The following EGFR variants were observed in gnomAD, a reference collection of about 807,000 sequenced individuals.
EGFR encodes the protein avian erythroblastic leukemia viral (v-erb-b) oncogene homolog.
A neutral mutation model predicts 143.0 loss-of-function variants in EGFR; 58 were observed. That is an observed-to-expected ratio of 0.41 (90% CI 0.33 to 0.50). The LOEUF (loss-of-function observed/expected upper bound fraction) is 0.50, where lower values mean the gene tolerates loss of function less well. Among genes scored for constraint, EGFR ranks in the 20% least tolerant of loss-of-function variants. The pLI, the probability that EGFR is intolerant of heterozygous loss-of-function variation, is 0.39. For synonymous variants in EGFR, 613 were observed against 594.4 expected (o/e 1.03, Z -0.45); for missense variants, 1,307 against 1,579.0 (o/e 0.83, Z 2.92).
At chr7:55,135,067 T>A (rs921318484) in intron 1 of EGFR, among the ~76,000 whole-genome samples, 1 of 152,144 alleles carries the variant, frequency 6.6e-6, no homozygotes, top group Non-Finnish European at 1.5e-5. Context: ...GAACTGGCCT[T>A]CCTGTGATCA....
In EGFR at chr7:55,201,233, T is replaced by C. The variant is rs2128971560; in HGVS notation, c.2992T>C (p.Tyr998His). 1.2e-6 allele frequency: 2 copies of C among 1,614,156 alleles called. No homozygotes were observed. The highest frequency in any genetic ancestry group is 1.7e-6 in the Non-Finnish European group (2 of 1,180,030). The change falls in exon 25 of 28, where the codon TAC (tyrosine) becomes CAC (histidine). Residue 998 changes from tyrosine to histidine, a missense_variant. Tyr to His is a moderately conservative substitution (Grantham distance 83). This residue lies in a region of EGFR where 313 missense variants were observed against 312.3 expected (regional missense o/e 1.00). Transcript: ENST00000275493. ...GCCAAGTCCTACAGACTCCAACTTC[T>C]ACCGTGCCCTGATGGATGAAGAAGA... is the stretch of plus-strand genomic sequence containing the variant. ...HLPSPTDSNF[Y>H]RALMDEEDMD...
At chr7:55,191,661 A>G (rs1357517883) in intron 20 of EGFR, 58 bp from the exon 21 acceptor site, 2 of 1,609,440 alleles carry the variant, frequency 1.2e-6, no homozygotes, top group Non-Finnish European at 1.7e-6. Flanking sequence ...CTGAATTCGG[A>G]TGCAGAGCTT....
chr7:55,203,965 A>G (rs1787986997), intron 27 of EGFR, among the ~76,000 whole-genome samples: 1 of 150,986 alleles, frequency 6.6e-6, no homozygotes, highest in Admixed American at 6.6e-5. Context: ...ATCTTTATAC[A>G]TATGTTATAT....
chr7:55,151,132 G>A (rs565943490), intron 4 of EGFR, among the ~76,000 whole-genome samples, 162 bp from the exon 5 acceptor site: 20 of 152,134 alleles, frequency 1.3e-4, no homozygotes, highest in Admixed American at 3.9e-4. Context: ...TTTTCTTATC[G>A]GGGTCTCAAG....
At chr7:55,159,378 A>AT (rs1381501893) in intron 11 of EGFR, among the ~76,000 whole-genome samples, 1 of 140,494 alleles carries the variant, frequency 7.1e-6, no homozygotes, top group Admixed American at 7.3e-5. Context: ...GGCTGAGGAC[A>AT]TCCCCCCTTC....
intron 1 of EGFR, among the ~76,000 whole-genome samples, chr7:55,032,773 C>G (rs1787328618): frequency 6.6e-6 from 1 of 151,984 alleles, no homozygotes; most frequent in African/African-American, 2.4e-5. Context: ...TTTTTTCTGG[C>G]CATAAGATAG....
At chr7:55,173,167 G>A (rs566024893) in intron 17 of EGFR, 43 bp downstream of exon 17, 78 of 1,601,642 alleles carry the variant, frequency 4.9e-5, no homozygotes, top group East Asian at 4.0e-4. Context: ...CTCGCACCCC[G>A]ACAGGAACAA....
At chr7:55,066,384 C>T (rs927359927) in intron 1 of EGFR, among the ~76,000 whole-genome samples, 19 of 151,972 alleles carry the variant, frequency 1.3e-4, no homozygotes, top group Non-Finnish European at 4.4e-5. Flanking sequence ...TGAAATGTTC[C>T]CCGGGAGCTG....
chr7:55,162,528 T>G (rs1785760037), intron 13 of EGFR, among the ~76,000 whole-genome samples: 1 of 152,276 alleles, frequency 6.6e-6, no homozygotes, highest in South Asian at 2.1e-4. Flanking sequence ...ATGCAATCCT[T>G]ACAGCTACAA....
At chr7:55,195,135 G>A (rs1463510706) in intron 22 of EGFR, among the ~76,000 whole-genome samples, 2 of 152,174 alleles carry the variant, frequency 1.3e-5, no homozygotes, top group African/African-American at 4.8e-5. Flanking sequence ...TAGTTAAATA[G>A]TAGTTAAACT....
chr7:55,156,325 C>T (rs2128937882), intron 8 of EGFR, among the ~76,000 whole-genome samples: 1 of 152,314 alleles, frequency 6.6e-6, no homozygotes, highest in South Asian at 2.1e-4. Flanking sequence ...ACCGCCGTAG[C>T]CCCAAAGTGT....
chr7:55,141,687 A>T (rs1794467470), intron 1 of EGFR, among the ~76,000 whole-genome samples: 1 of 152,142 alleles, frequency 6.6e-6, no homozygotes, highest in Non-Finnish European at 1.5e-5. Context: ...TTTAATTTAC[A>T]CTTTTGTCCC....
intron 1 of EGFR, among the ~76,000 whole-genome samples, chr7:55,120,142 T>A (rs6965365): frequency 0.077 from 11,745 of 152,278 alleles, 543 homozygotes; most frequent in Middle Eastern, 0.2. Flanking sequence ...TTCTGTTGCA[T>A]CGCTGTGTCT....
chr7:55,189,859 C>G (rs1787308347), intron 20 of EGFR, among the ~76,000 whole-genome samples: 1 of 152,186 alleles, frequency 6.6e-6, no homozygotes, highest in African/African-American at 2.4e-5. Context: ...GGAGTTCACA[C>G]AGCCAAGAAG....
At chr7:55,142,491 G>A in intron 2 of EGFR, 54 bp downstream of exon 2, 1 of 1,602,456 alleles carries the variant, frequency 6.2e-7, no homozygotes, top group Non-Finnish European at 8.5e-7. Context: ...TCTAAGTGGA[G>A]AAAGGCCTGG....
intron 8 of EGFR, 69 bp from the exon 9 acceptor site, chr7:55,156,464 C>T (rs2128937980): frequency 1.2e-6 from 2 of 1,605,824 alleles, no homozygotes; most frequent in Non-Finnish European, 1.7e-6. Flanking sequence ...CTTCCCTCTG[C>T]CTGTGGATCC....
In EGFR at chr7:55,196,178, A is replaced by ATTTTTTTTT. The variant is rs61541412; in HGVS notation, c.2702-2532_2702-2524dup. 1.7e-4 allele frequency among the ~76,000 whole-genome samples: 15 copies of ATTTTTTTTT among 88,124 alleles called. 1 individual carries two copies. The highest frequency in any genetic ancestry group is 2.4e-4 in the Non-Finnish European group (12 of 49,120). 57.8% of individuals were successfully genotyped at this position (88,124 alleles called of 152,430 possible). A position where few individuals can be genotyped will look rare whatever the true frequency, so the allele number is the denominator to read the frequency against. ...CACAACCTCACCAGCATGTGTTGGG[A>ATTTTTTTTT]TTTTTTTTTTTTTTTACTTTTCAAT... is the stretch of plus-strand genomic sequence containing the variant. On this transcript the variant is annotated intron_variant, in intron 22 of 27. Coordinates refer to ENST00000275493, the MANE Select transcript of EGFR (RefSeq NM_005228.5).
In EGFR at chr7:55,154,097, T is replaced by C. The variant is rs774995708; in HGVS notation, c.834T>C (p.Asp278=). The change falls in exon 7 of 28, where the codon GAT becomes GAC. Residue 278 remains aspartate, a synonymous_variant. Transcript: ENST00000275493. ...MLYNPTTYQM[D]VNPEGKYSFG... is the part of the protein sequence containing the mutation. ...ACAACCCCACCACGTACCAGATGGA[T>C]GTGAACCCCGAGGGCAAATACAGCT... is the stretch of plus-strand genomic sequence containing the variant. 5.6e-6 allele frequency: 9 copies of C among 1,614,062 alleles called. No homozygotes were observed. The highest frequency in any genetic ancestry group is 3.3e-5 in the Admixed American group (2 of 60,002).
In EGFR at chr7:55,201,322, C is replaced by T. The variant is rs565720057; in HGVS notation, c.3081C>T (p.Pro1027=). The T allele has an allele frequency of 1.2e-5, 19 of 1,614,138 alleles. No individual in the cohort carries two copies. The Middle Eastern group carries it at 4.9e-4, about 42-fold the overall frequency. Residue 1027 remains proline (P), a synonymous_variant, in exon 25 of 28, where the codon CCC becomes CCT. Coordinates refer to ENST00000275493, the MANE Select transcript of EGFR (RefSeq NM_005228.5). ...LIPQQGFFSS[P]STSRTPLLSS... is the part of the protein sequence containing the mutation. ...CACAGCAGGGCTTCTTCAGCAGCCC[C>T]TCCACGTCACGGACTCCCCTCCTGA...
Sources: allele counts gnomAD v4.1 joint callset (sites outside exome capture counted in the v4.1 genomes callset), GRCh38; gene constraint gnomAD v4.1.1; regional missense constraint gnomAD v4.1.1; transcripts MANE v1.5; gene names NCBI Gene and HGNC (gene_info 2026-07-23, HGNC 2026-07-21).